LTBP1: variants seen among roughly 807,000 people sequenced by gnomAD.
The protein encoded by LTBP1 is latent-transforming growth factor beta-binding protein 1.
LTBP1 carries 129 observed loss-of-function variants against 207.6 expected under a neutral mutation model. The ratio of observed to expected loss-of-function variants is 0.62; its 90% CI spans 0.54 to 0.72. The LOEUF (loss-of-function observed/expected upper bound fraction) is 0.72, where lower values mean the gene tolerates loss of function less well. LTBP1 is among the 30% of genes least tolerant of loss of function. The pLI is 0.00. For synonymous variants in LTBP1, 963 were observed against 833.7 expected (o/e 1.16, Z -2.67); for missense variants, 2,281 against 2,217.2 (o/e 1.03, Z -0.58).
chr2:32,978,193 C>T (rs534054302), intron 2 of LTBP1, among the ~76,000 whole-genome samples: 9 of 152,150 alleles, frequency 5.9e-5, no homozygotes, highest in East Asian at 1.9e-4. Context: ...CTTTTCAATT[C>T]GGATGCCCTT....
chr2:33,133,680 G>T lies in LTBP1; in HGVS notation c.1034-1113G>T, dbSNP rs1279167242. Among the ~76,000 whole-genome samples the T allele has an allele frequency of 2.0e-5, 3 of 152,256 alleles. No homozygotes were observed. In the East Asian group the frequency reaches 5.8e-4, roughly 29 times the overall value. On this transcript the variant is annotated intron_variant, in intron 4 of 33. Coordinates refer to ENST00000404816, the MANE Select transcript of LTBP1 (RefSeq NM_206943.4). ...CCATAGACAGTACAGAAATGAATGA[G>T]GGTGGCTGTGTTCCAGTAAAGCTTT...
chr2:33,142,042 T>C lies in LTBP1; in HGVS notation c.1201+7082T>C, dbSNP rs1051492709. On this transcript the variant is annotated intron_variant, in intron 5 of 33. Coordinates refer to ENST00000404816, the MANE Select transcript of LTBP1 (RefSeq NM_206943.4). ...TTAAAAAAGGTTATCAAGAAAGTAG[T>C]GTCACCTTTCTTCAGCATTCTTTTT... 1.7e-4 allele frequency among the ~76,000 whole-genome samples: 26 copies of C among 152,048 alleles called. 1 individual carries two copies. The highest frequency in any genetic ancestry group is 6.0e-4 in the African/African-American group (25 of 41,412).
chr2:33,113,179 A>T (rs1342968890), intron 4 of LTBP1, among the ~76,000 whole-genome samples: 1 of 152,140 alleles, frequency 6.6e-6, no homozygotes, highest in East Asian at 1.9e-4. Context: ...CTCCCTTTAA[A>T]AGTGATTAAA....
At chr2:33,090,283 C>A (rs2079003209) in intron 3 of LTBP1, among the ~76,000 whole-genome samples, 1 of 152,124 alleles carries the variant, frequency 6.6e-6, no homozygotes, top group Non-Finnish European at 1.5e-5. Flanking sequence ...GAAAGTTGGC[C>A]CTTTTTCCTG....
intron 7 of LTBP1, among the ~76,000 whole-genome samples, chr2:33,192,287 A>G (rs1426503199): frequency 6.6e-6 from 1 of 152,208 alleles, no homozygotes; most frequent in African/African-American, 2.4e-5. Flanking sequence ...ACTCAGCGTC[A>G]TTAATAGTGG....
intron 3 of LTBP1, among the ~76,000 whole-genome samples, chr2:33,041,883 A>AG (rs1202855749): frequency 6.6e-6 from 1 of 152,210 alleles, no homozygotes; most frequent in African/African-American, 2.4e-5. Flanking sequence ...GGTAGCTGAG[A>AG]GTGATAATGG....
intron 3 of LTBP1, among the ~76,000 whole-genome samples, chr2:33,046,292 A>T (rs371712277): frequency 1.9e-4 from 29 of 152,166 alleles, no homozygotes; most frequent in African/African-American, 6.3e-4. Context: ...TTTTCCATCA[A>T]TACTTAGTTT....
At chr2:33,171,811 G>A (rs901465685) in intron 5 of LTBP1, among the ~76,000 whole-genome samples, 33 of 152,158 alleles carry the variant, frequency 2.2e-4, no homozygotes, top group Admixed American at 1.6e-3. Context: ...CGGATCTCTC[G>A]GCAGAAACTC....
At chr2:33,183,031 A>G (rs6720059) in intron 5 of LTBP1, among the ~76,000 whole-genome samples, 78,346 of 151,590 alleles carry the variant, frequency 0.52, 20,475 homozygotes, top group African/African-American at 0.53. Context: ...TAATTTCAAC[A>G]TGTTTGCTTT....
intron 4 of LTBP1, among the ~76,000 whole-genome samples, chr2:33,122,317 A>C (rs1002128851): frequency 1.3e-5 from 2 of 152,246 alleles, no homozygotes; most frequent in African/African-American, 4.8e-5. Context: ...TTACTTTTTA[A>C]AACAATCTGG....
At chr2:33,153,283 C>T (rs927339567) in intron 5 of LTBP1, among the ~76,000 whole-genome samples, 4 of 152,094 alleles carry the variant, frequency 2.6e-5, no homozygotes, top group South Asian at 2.1e-4. Flanking sequence ...TGAAAGATTT[C>T]GAAAACTTGT....
intron 9 of LTBP1, among the ~76,000 whole-genome samples, chr2:33,242,646 G>T: frequency 6.9e-6 from 1 of 145,262 alleles, no homozygotes; most frequent in African/African-American, 2.6e-5. Flanking sequence ...TTCTCATGAT[G>T]TGTAGTCCAG....
chr2:33,158,148 C>CAAAAAAA (rs59789805), intron 5 of LTBP1, among the ~76,000 whole-genome samples: 5 of 113,894 alleles, frequency 4.4e-5, no homozygotes, highest in East Asian at 2.7e-4. Flanking sequence ...AAAAAAAAAA[C>CAAAAAAA]AAAAAAAAAA....
At position 33,275,771 on chromosome 2, in the gene LTBP1, A is replaced by G. The variant is rs373438616; in HGVS notation, c.2870-30A>G. ...GGTTTGAAACAGTATTTGGAACACA[A>G]AACTCAACAATGCTATCTGCTCTTC... is the stretch of plus-strand genomic sequence containing the variant. On this transcript the variant is annotated intron_variant, in intron 17 of 33. Coordinates refer to ENST00000404816, the MANE Select transcript of LTBP1 (RefSeq NM_206943.4). 16 of 1,613,714 alleles carry G rather than the reference A, an allele frequency of 9.9e-6. No individual in the cohort carries two copies. In the Admixed American group the frequency reaches 1.5e-4, roughly 15 times the overall value.
At chr2:33,279,585 T>C (rs1303052359) in intron 18 of LTBP1, among the ~76,000 whole-genome samples, 1 of 152,148 alleles carries the variant, frequency 6.6e-6, no homozygotes, top group African/African-American at 2.4e-5. Flanking sequence ...TAGGATATTC[T>C]TGGGCCCATG....
intron 20 of LTBP1, among the ~76,000 whole-genome samples, chr2:33,298,977 A>G (rs1485255081): frequency 6.6e-6 from 1 of 152,178 alleles, no homozygotes; most frequent in Non-Finnish European, 1.5e-5. Context: ...ATTAGAGGTT[A>G]AGAAATGAAA....
chr2:33,064,043 G>A (rs1443310427), intron 3 of LTBP1, among the ~76,000 whole-genome samples: 1 of 151,822 alleles, frequency 6.6e-6, no homozygotes, highest in East Asian at 1.9e-4. Flanking sequence ...TAGTTGAGAC[G>A]GGGTTTCACC....
chr2:33,108,226 G>A (rs2080177147), intron 3 of LTBP1, among the ~76,000 whole-genome samples: 1 of 151,966 alleles, frequency 6.6e-6, no homozygotes, highest in Non-Finnish European at 1.5e-5. Flanking sequence ...TGTCTCTGGG[G>A]GGCTGTGGGG....
chr2:32,974,063 G>A (rs1011604741), intron 2 of LTBP1, among the ~76,000 whole-genome samples: 2 of 152,186 alleles, frequency 1.3e-5, no homozygotes, highest in Admixed American at 6.5e-5. Flanking sequence ...TTCAAACATA[G>A]GAGTGCAAAT....
Sources: allele counts gnomAD v4.1 joint callset (sites outside exome capture counted in the v4.1 genomes callset), GRCh38; gene constraint gnomAD v4.1.1; transcripts MANE v1.5; gene names NCBI Gene and HGNC (gene_info 2026-07-23, HGNC 2026-07-21).